PRDM5: variants seen among roughly 807,000 people sequenced by gnomAD.
PRDM5 encodes the protein PR domain zinc finger protein 5.
Under a neutral mutation model 81.2 loss-of-function variants are expected in PRDM5, and 56 were observed. The ratio of observed to expected loss-of-function variants is 0.69; its 90% CI spans 0.56 to 0.86. The LOEUF (loss-of-function observed/expected upper bound fraction) is 0.86, where lower values mean the gene tolerates loss of function less well. Ranked by LOEUF, PRDM5 falls within the 40% of genes least tolerant of loss-of-function variation. The pLI is 0.00. For missense variants in PRDM5, 697 were observed against 770.1 expected, an observed-to-expected ratio of 0.91 and a Z score of 1.12; for synonymous variants, 267 against 256.4, an observed-to-expected ratio of 1.04 and a Z score of -0.39.
rs1012571209 is a variant in PRDM5, at chr4:120,818,373, A to C, written c.630T>G (p.Val210=). Residue 210 remains valine, a synonymous_variant, in exon 5 of 16, where the codon GTT becomes GTG. Coordinates refer to ENST00000264808, the MANE Select transcript of PRDM5 (RefSeq NM_018699.4). Reference sequence around the variant, plus strand: ...CGCACTGTCTTTGCAAAGCCTGCTTAACTGGGAATTTCTTCCCACAGTTCT... The same window carrying C: ...CGCACTGTCTTTGCAAAGCCTGCTTCACTGGGAATTTCTTCCCACAGTTCT... ...KCKNCGKKFP[V]KQALQRHVLQ... 1 of 1,613,904 alleles carries C rather than the reference A, an allele frequency of 6.2e-7. No individual in the cohort carries two copies. Among genetic ancestry groups the C allele is most frequent in the African/African-American group, 1.3e-5 (1 of 74,942 alleles).
chr4:120,733,025 G>A (rs373646321), intron 14 of PRDM5, among the ~76,000 whole-genome samples: 1 of 152,110 alleles, frequency 6.6e-6, no homozygotes, highest in Admixed American at 6.5e-5. Flanking sequence ...AATTGTTATA[G>A]TTTTACTAGT....
chr4:120,790,420 A>G (rs1050734078), intron 10 of PRDM5, among the ~76,000 whole-genome samples: 10 of 152,206 alleles, frequency 6.6e-5, no homozygotes, highest in African/African-American at 2.4e-4. Context: ...AATTTTCTGC[A>G]TAAAAATAGG....
chr4:120,736,416 G>A (rs1273983953), intron 14 of PRDM5, among the ~76,000 whole-genome samples: 1 of 152,048 alleles, frequency 6.6e-6, no homozygotes, highest in Non-Finnish European at 1.5e-5. Context: ...AGAACTAATC[G>A]ATGATTGATG....
intron 13 of PRDM5, among the ~76,000 whole-genome samples, chr4:120,760,593 GA>G (rs956533446): frequency 3.3e-5 from 5 of 152,122 alleles, no homozygotes; most frequent in African/African-American, 1.2e-4. Flanking sequence ...TGTTGACACT[GA>G]ATAACACTGA....
chr4:120,833,503 G>C (rs1018796854), intron 3 of PRDM5, among the ~76,000 whole-genome samples: 3 of 151,830 alleles, frequency 2.0e-5, no homozygotes, highest in African/African-American at 7.3e-5. Context: ...GAAAGTTCTT[G>C]ACCTAATTAG....
intron 14 of PRDM5, among the ~76,000 whole-genome samples, chr4:120,721,105 A>G (rs1247536555): frequency 6.6e-6 from 1 of 152,242 alleles, no homozygotes; most frequent in Admixed American, 6.5e-5. Context: ...TAGAGGTGTT[A>G]AAAGAGCTTA....
chr4:120,915,802 G>C (rs1724080155), intron 1 of PRDM5, among the ~76,000 whole-genome samples: 1 of 152,168 alleles, frequency 6.6e-6, no homozygotes, highest in African/African-American at 2.4e-5. Flanking sequence ...TCCTAGGGAA[G>C]AGGAGCAGGC....
downstream of PRDM5, among the ~76,000 whole-genome samples, chr4:120,689,291 G>A (rs1733948106): frequency 6.6e-6 from 1 of 152,040 alleles, no homozygotes; most frequent in Non-Finnish European, 1.5e-5. Flanking sequence ...TCTTAAAAGG[G>A]TAGAACTGGA....
chr4:120,839,082 C>T (rs191783304), intron 3 of PRDM5: 150 of 590,922 alleles, frequency 2.5e-4, no homozygotes, highest in Non-Finnish European at 4.2e-4. Context: ...CTCGGAGACA[C>T]CAGGAACTGC....
chr4:120,816,263 A>G (rs1228586114), intron 7 of PRDM5, 190 bp downstream of exon 7: 10 of 873,310 alleles, frequency 1.1e-5, no homozygotes, highest in Middle Eastern at 2.2e-4. Flanking sequence ...AAAAGAACAA[A>G]TGCTGCTAAA....
chr4:120,754,767 G>C (rs1304020304), intron 13 of PRDM5, 129 bp from the exon 14 acceptor site: 2 of 714,594 alleles, frequency 2.8e-6, no homozygotes, highest in African/African-American at 1.7e-5. Context: ...AGTGGCTCCA[G>C]GCACAGCAGG....
At chr4:120,750,481 TC>T (rs935651489) in intron 14 of PRDM5, among the ~76,000 whole-genome samples, 2 of 152,096 alleles carry the variant, frequency 1.3e-5, no homozygotes, top group African/African-American at 4.8e-5. Context: ...CTGCTGAGCG[TC>T]CAGGCCTCGC....
downstream of PRDM5, among the ~76,000 whole-genome samples, chr4:120,688,069 G>A (rs1413794196): frequency 6.6e-6 from 1 of 152,030 alleles, no homozygotes; most frequent in African/African-American, 2.4e-5. Flanking sequence ...GTTTCCCATA[G>A]TGGCTGTACC....
intron 2 of PRDM5, among the ~76,000 whole-genome samples, chr4:120,898,583 T>C (rs1406645288): frequency 6.6e-6 from 1 of 152,112 alleles, no homozygotes; most frequent in Non-Finnish European, 1.5e-5. Context: ...AATTATCACC[T>C]CTCTGGAGCT....
intron 8 of PRDM5, 31 bp from the exon 9 acceptor site, chr4:120,799,776 A>T (rs1751857326): frequency 6.2e-7 from 1 of 1,605,066 alleles, no homozygotes. Context: ...AGTTAAATCA[A>T]CTGTCAAAGC....
At chr4:120,739,662 A>G (rs1741624161) in intron 14 of PRDM5, among the ~76,000 whole-genome samples, 1 of 151,866 alleles carries the variant, frequency 6.6e-6, no homozygotes, top group African/African-American at 2.4e-5. Context: ...AGAGAATGAA[A>G]TCAAGCTTAC....
At chr4:120,704,444 T>C (rs1397632681) in intron 15 of PRDM5, among the ~76,000 whole-genome samples, 1 of 152,178 alleles carries the variant, frequency 6.6e-6, no homozygotes, top group Non-Finnish European at 1.5e-5. Flanking sequence ...CTACTCCAAC[T>C]TAGGAGTGCA....
chr4:120,788,403 G>A (rs1309594953), intron 10 of PRDM5, among the ~76,000 whole-genome samples: 2 of 152,146 alleles, frequency 1.3e-5, no homozygotes, highest in African/African-American at 2.4e-5. Flanking sequence ...AAACATTGAG[G>A]AGGGTTTTTA....
At chr4:120,726,424 G>T (rs1739423092) in intron 14 of PRDM5, among the ~76,000 whole-genome samples, 1 of 152,152 alleles carries the variant, frequency 6.6e-6, no homozygotes, top group South Asian at 2.1e-4. Context: ...CTTTACATTG[G>T]TTATTTGGTT....
Sources: allele counts gnomAD v4.1 joint callset (sites outside exome capture counted in the v4.1 genomes callset), GRCh38; gene constraint gnomAD v4.1.1; transcripts MANE v1.5; gene names NCBI Gene and HGNC (gene_info 2026-07-23, HGNC 2026-07-21).